The following ANO2 variants were observed in gnomAD, a reference collection of about 807,000 sequenced individuals.
The protein encoded by ANO2 is anoctamin 2, also known as anoctamin-2.
A neutral mutation model predicts 124.2 loss-of-function variants in ANO2; 101 were observed. The observed-to-expected ratio is 0.81, with a 90% CI of 0.69 to 0.96. The LOEUF is 0.96. Ranked by LOEUF, ANO2 falls within the 40% of genes least tolerant of loss-of-function variation. The probability of loss-of-function intolerance (pLI) is 0.00; values close to 1 mark genes in which losing one functional copy is unlikely to be tolerated. For synonymous variants in ANO2, 486 were observed against 482.5 expected, an observed-to-expected ratio of 1.01 and a Z score of -0.09; for missense variants, 1,293 against 1,274.5, an observed-to-expected ratio of 1.01 and a Z score of -0.22.
At chr12:5,666,337 G>A (rs562146071) in intron 14 of ANO2, among the ~76,000 whole-genome samples, 1 of 152,314 alleles carries the variant, frequency 6.6e-6, no homozygotes, top group East Asian at 1.9e-4. Flanking sequence ...TAGGGAAGGA[G>A]TGAAGACAGA....
intron 22 of ANO2, among the ~76,000 whole-genome samples, chr12:5,577,600 T>C (rs924553917): frequency 1.3e-5 from 2 of 152,224 alleles, no homozygotes; most frequent in African/African-American, 4.8e-5. Flanking sequence ...CCAGGTATTG[T>C]TTAACTCAGG....
chr12:5,792,986 C>T (rs958463177), intron 10 of ANO2, among the ~76,000 whole-genome samples: 2 of 152,090 alleles, frequency 1.3e-5, no homozygotes, highest in South Asian at 4.1e-4. Context: ...AGGACAATCA[C>T]GATGATAAGG....
At position 5,939,998 on chromosome 12, in the gene ANO2, A is replaced by G. The variant is rs553813591; in HGVS notation, c.22+5198T>C. ...TTTATCTCCCCAAGTAGGCTCTCAG[A>G]TCCAGTTCAGCACCCAGGACAAGGC... is the stretch of plus-strand genomic sequence containing the variant. On this transcript the variant is annotated intron_variant, in intron 1 of 24. Coordinates refer to ENST00000682330, the MANE Select transcript of ANO2 (RefSeq NM_001364791.2). Among the ~76,000 whole-genome samples the G allele has an allele frequency of 6.6e-5, 10 of 152,326 alleles. No homozygotes were observed. In the East Asian group the frequency reaches 1.7e-3, roughly 26 times the overall value.
chr12:5,788,089 T>C (rs891177518), intron 10 of ANO2, among the ~76,000 whole-genome samples: 3 of 152,316 alleles, frequency 2.0e-5, no homozygotes, highest in African/African-American at 4.8e-5. Flanking sequence ...AAGTACTTCA[T>C]GTTTTCCTTC....
chr12:5,674,893 TATC>T (rs1472648591), intron 14 of ANO2, among the ~76,000 whole-genome samples: 3 of 152,210 alleles, frequency 2.0e-5, no homozygotes, highest in Admixed American at 2.0e-4. Flanking sequence ...GTACTTATTT[TATC>T]ATCATCATTA....
chr12:5,580,897 C>T (rs1044721636), intron 20 of ANO2, among the ~76,000 whole-genome samples: 4 of 152,054 alleles, frequency 2.6e-5, no homozygotes, highest in African/African-American at 9.7e-5. Context: ...GACACCTGCA[C>T]CGAAATACAC....
At chr12:5,888,217 G>T (rs1034628376) in intron 3 of ANO2, among the ~76,000 whole-genome samples, 1 of 151,666 alleles carries the variant, frequency 6.6e-6, no homozygotes, top group African/African-American at 2.4e-5. Context: ...TTAAGGCGGC[G>T]CGTCTGGAGT....
intron 4 of ANO2, among the ~76,000 whole-genome samples, chr12:5,845,726 A>G (rs983202784): frequency 6.6e-6 from 1 of 152,192 alleles, no homozygotes; most frequent in Non-Finnish European, 1.5e-5. Context: ...TTGGAGTCAG[A>G]CAGACATGAT....
intron 10 of ANO2, 24 bp from the exon 11 acceptor site, chr12:5,750,994 G>A: frequency 6.4e-7 from 1 of 1,572,480 alleles, no homozygotes; most frequent in Non-Finnish European, 8.6e-7. Flanking sequence ...AAAAGAAAAT[G>A]AAACACATAT....
At chr12:5,713,298 C>T (rs1949883460) in intron 14 of ANO2, among the ~76,000 whole-genome samples, 1 of 152,186 alleles carries the variant, frequency 6.6e-6, no homozygotes, top group East Asian at 1.9e-4. Flanking sequence ...CTGGGTTGTT[C>T]AAAAGTGGTG....
At chr12:5,852,239 C>T (rs1954933420) in intron 4 of ANO2, among the ~76,000 whole-genome samples, 1 of 152,072 alleles carries the variant, frequency 6.6e-6, no homozygotes, top group Admixed American at 6.6e-5. Flanking sequence ...AAAGATGGCA[C>T]CCGCATTTGA....
intron 3 of ANO2, among the ~76,000 whole-genome samples, chr12:5,891,556 T>C (rs2136272731): frequency 6.6e-6 from 1 of 152,220 alleles, no homozygotes; most frequent in Admixed American, 6.5e-5. Context: ...CTCAGCAAAA[T>C]GCCCCCATAA....
intron 3 of ANO2, among the ~76,000 whole-genome samples, chr12:5,880,332 T>C (rs1938395639): frequency 1.3e-5 from 2 of 152,088 alleles, no homozygotes; most frequent in South Asian, 4.1e-4. Context: ...AAGAAGAGCA[T>C]TTGAGAGTCA....
chr12:5,914,150 A>G (rs1461117826), intron 3 of ANO2, among the ~76,000 whole-genome samples: 1 of 152,106 alleles, frequency 6.6e-6, no homozygotes, highest in Non-Finnish European at 1.5e-5. Flanking sequence ...CAGTGAGCCA[A>G]GATTGCGCTA....
chr12:5,613,779 T>C (rs1944662113), intron 17 of ANO2, among the ~76,000 whole-genome samples: 1 of 152,228 alleles, frequency 6.6e-6, no homozygotes, highest in African/African-American at 2.4e-5. Flanking sequence ...TAGTGTGCTG[T>C]TGCTAAGGCT....
intron 10 of ANO2, among the ~76,000 whole-genome samples, chr12:5,796,635 G>T (rs1221727540): frequency 6.6e-6 from 1 of 152,196 alleles, no homozygotes; most frequent in Non-Finnish European, 1.5e-5. Context: ...GGAGAGCCGT[G>T]CGGGGCTGGA....
At chr12:5,735,776 C>A (rs1222892380) in intron 13 of ANO2, among the ~76,000 whole-genome samples, 2 of 152,070 alleles carry the variant, frequency 1.3e-5, no homozygotes, top group Non-Finnish European at 2.9e-5. Flanking sequence ...AGAATGAAGG[C>A]CTGGGTAGCT....
chr12:5,935,645 A>G (rs1942614202), intron 1 of ANO2, among the ~76,000 whole-genome samples: 1 of 152,214 alleles, frequency 6.6e-6, no homozygotes, highest in African/African-American at 2.4e-5. Context: ...AGAAGCATAC[A>G]AGACCTATTC....
intron 10 of ANO2, among the ~76,000 whole-genome samples, chr12:5,798,199 T>G (rs1241202569): frequency 6.6e-6 from 1 of 150,612 alleles, no homozygotes; most frequent in Admixed American, 6.6e-5. Flanking sequence ...GAGAACAGTC[T>G]AGGTGGCCCA....
Sources: gnomAD v4.1 joint callset for allele counts (sites outside exome capture counted in the v4.1 genomes callset) on GRCh38, gnomAD v4.1.1 for gene constraint, MANE v1.5 for transcripts, NCBI Gene and HGNC (gene_info 2026-07-23, HGNC 2026-07-21) for gene names.